The following ABCA5 variants were observed in gnomAD, a reference collection of about 807,000 sequenced individuals.
The protein encoded by ABCA5 is cholesterol transporter ABCA5.
ABCA5 carries 163 observed loss-of-function variants against 206.0 expected under a neutral mutation model. The ratio of observed to expected loss-of-function variants is 0.79; its 90% confidence interval spans 0.70 to 0.90. The LOEUF (loss-of-function observed/expected upper bound fraction) is 0.90. ABCA5 is among the 40% of genes least tolerant of loss of function. The pLI is 0.00. For missense variants in ABCA5, 1,859 were observed against 1,912.9 expected (o/e 0.97, Z 0.53); for synonymous variants, 609 against 613.8 (o/e 0.99, Z 0.11).
intron 28 of ABCA5, among the ~76,000 whole-genome samples, chr17:69,256,668 C>T (rs1018035014): frequency 6.6e-6 from 1 of 151,758 alleles, no homozygotes; most frequent in Admixed American, 6.6e-5. Context: ...GTTGCCCAGG[C>T]TGGTCTCAAA....
At chr17:69,292,370 T>G (rs970498919) in intron 11 of ABCA5, among the ~76,000 whole-genome samples, 5 of 152,232 alleles carry the variant, frequency 3.3e-5, no homozygotes, top group African/African-American at 7.2e-5. Context: ...TATTTTTTGA[T>G]GCTAAATGCT....
intron 3 of ABCA5, 130 bp from the exon 4 acceptor site, chr17:69,309,553 T>C: frequency 1.4e-6 from 1 of 715,196 alleles, no homozygotes. Context: ...TCTTAAAAAA[T>C]GAAAACAGTC....
Position 69,285,884 on chromosome 17 carries a change from AAAGT to A in ABCA5, c.2272+10_2272+13del. The A allele has an allele frequency of 1.9e-6, 3 of 1,606,296 alleles. No homozygotes were observed. Among genetic ancestry groups the A allele is most frequent in the East Asian group, 2.2e-5 (1 of 44,656 alleles). ...TCCCAGTTCAAACACCAAGAGACTT[AAAGT>A]AAGTAATACCTGAAAATTTGTCCAT... is the stretch of plus-strand genomic sequence containing the variant. On this transcript the variant is annotated intron_variant, in intron 17 of 38. Transcript: ENST00000392676.
Position 69,291,232 on chromosome 17 carries a change from G to A in ABCA5, c.1590C>T (p.Leu530=). 2 of 1,597,218 alleles carry A rather than the reference G, an allele frequency of 1.3e-6. No individual in the cohort carries two copies. The highest frequency in any genetic ancestry group is 1.7e-6 in the Non-Finnish European group (2 of 1,170,406). The change falls in exon 12 of 39, where the codon CTC becomes CTT. Residue 530 remains leucine (L), a synonymous_variant. Transcript: ENST00000392676. ...KSTLMNILCG[L]CPPSDGFASI... is the part of the protein sequence containing the mutation. ...AAAACTCACCATCAGAAGGTGGGCA[G>A]AGTCCACAAAGAATATTCATCAATG... is the stretch of plus-strand genomic sequence containing the variant.
chr17:69,263,386 A>G (rs964905795), intron 24 of ABCA5, among the ~76,000 whole-genome samples: 1 of 152,116 alleles, frequency 6.6e-6, no homozygotes, highest in Admixed American at 6.5e-5. Context: ...TCTTTAATCC[A>G]TCTTGAGTTA....
rs964458417 is a variant in ABCA5 at position 69,326,539 on chromosome 17, A to G, written c.-16+513T>C. Among the ~76,000 whole-genome samples the G allele has an allele frequency of 6.6e-6, 1 of 152,066 alleles. No homozygotes were observed. Among genetic ancestry groups the G allele is most frequent in the Non-Finnish European group, 1.5e-5 (1 of 68,018 alleles). The stretch of plus-strand genomic sequence containing the variant: ...CCAAACTGTGTCATGAGATCTGCGC[A>G]TTTTCTTCTCACTGAAACTCCTTTT... On this transcript the variant is annotated intron_variant, in intron 1 of 38. Coordinates refer to ENST00000392676, the MANE Select transcript of ABCA5 (RefSeq NM_172232.4). The surrounding 1 kb of genome is among the most constrained non-coding windows in gnomAD (Gnocchi z 4.8).
chr17:69,286,159 CAACATAAT>C, intron 16 of ABCA5, 54 bp downstream of exon 16: 1 of 1,551,026 alleles, frequency 6.4e-7, no homozygotes, highest in Non-Finnish European at 8.8e-7. Flanking sequence ...AGCAAGCCTC[CAACATAAT>C]AACAGTATAG....
chr17:69,253,653 T>C lies in ABCA5; in HGVS notation c.4335A>G (p.Leu1445=), dbSNP rs368600407. Residue 1445 remains leucine (L), a synonymous_variant, in exon 34 of 39, where the codon CTA becomes CTG. Coordinates refer to ENST00000392676, the MANE Select transcript of ABCA5 (RefSeq NM_172232.4). ...AGIKRKLCFA[L]SMLGNPQITL... is the part of the protein sequence containing the mutation. ...TAATCTGAGGATTCCCTAGCATACT[T>C]AGAGCAAAACACAACTACATGGAAA... is the stretch of plus-strand genomic sequence containing the variant. 2 of 1,613,634 alleles carry C rather than the reference T, an allele frequency of 1.2e-6. No homozygotes were observed. The highest frequency in any genetic ancestry group is 1.7e-6 in the Non-Finnish European group (2 of 1,179,690).
In ABCA5 at chr17:69,277,701, T is replaced by C. The variant is rs759382234; in HGVS notation, c.2534A>G (p.Tyr845Cys). ...AAAGAAATGAAACTTTGCTATTGTA[T>C]ACATCTGTTGTTTCCAAAGGCTCAT... ...STMSLWKQQM[Y>C]TIAKFHFFTL... is the part of the protein sequence containing the mutation. The change falls in exon 19 of 39, where the codon TAT becomes TGT. Residue 845 changes from tyrosine to cysteine, a missense_variant. Coordinates refer to ENST00000392676, the MANE Select transcript of ABCA5 (RefSeq NM_172232.4). The C allele has an allele frequency of 9.9e-6, 16 of 1,611,464 alleles. No homozygotes were observed. The Admixed American group carries it at 2.0e-4, about 20-fold the overall frequency.
Position 69,299,455 on chromosome 17 carries a change from T to TACACACACAC in ABCA5, c.1267+1674_1267+1683dup, listed in dbSNP as rs779059294. On this transcript the variant is annotated intron_variant, in intron 9 of 38. Transcript: ENST00000392676. ...CAACAACTGGATAAAGAAAATGTGA[T>TACACACACAC]ACACACACACACACATACACACACA... Among the ~76,000 whole-genome samples the TACACACACAC allele has an allele frequency of 5.8e-3, 361 of 62,592 alleles. 2 individuals are homozygous for TACACACACAC. Among genetic ancestry groups the TACACACACAC allele is most frequent in the Non-Finnish European group, 7.0e-3 (176 of 25,084 alleles). The allele number at this position is 62,592 out of a possible 152,430, so 41.1% of individuals were successfully genotyped here.
intron 32 of ABCA5, 146 bp from the exon 33 acceptor site, chr17:69,254,015 T>G (rs1435693223): frequency 1.9e-5 from 12 of 639,772 alleles, no homozygotes; most frequent in Non-Finnish European, 2.9e-5. Context: ...GTCTCCAATT[T>G]ACATCATTTT....
At chr17:69,286,615 C>T (rs2144973788) in intron 15 of ABCA5, among the ~76,000 whole-genome samples, 1 of 152,224 alleles carries the variant, frequency 6.6e-6, no homozygotes, top group East Asian at 1.9e-4. Flanking sequence ...ATATATTTTT[C>T]CTAAAAGGCT....
intron 9 of ABCA5, among the ~76,000 whole-genome samples, chr17:69,298,187 A>AGG (rs2075603221): frequency 1.3e-5 from 2 of 149,264 alleles, no homozygotes; most frequent in Non-Finnish European, 3.0e-5. Flanking sequence ...CCCTGTCTCA[A>AGG]AAAAGACACA....
intron 18 of ABCA5, among the ~76,000 whole-genome samples, chr17:69,283,350 C>T (rs2075417270): frequency 6.6e-6 from 1 of 152,114 alleles, no homozygotes; most frequent in Non-Finnish European, 1.5e-5. Context: ...ACTGGTCTTC[C>T]TACTTCCACA....
chr17:69,264,137 C>A (rs1031151225), intron 24 of ABCA5, among the ~76,000 whole-genome samples: 1 of 152,114 alleles, frequency 6.6e-6, no homozygotes, highest in African/African-American at 2.4e-5. Flanking sequence ...GGCAGTATGG[C>A]CACTTTAATA....
chr17:69,274,106 A>G lies in ABCA5; in HGVS notation c.2617T>C (p.Phe873Leu). Reference sequence around the variant, plus strand: ...AAAAACATAAAAATCTGAACTGTGAAAAAAATTAAAAGCAGAAGCAACCTG... The same window carrying G: ...AAAAACATAAAAATCTGAACTGTGAGAAAAATTAAAAGCAGAAGCAACCTG... ...RSVLLLLLIF[F>L]TVQIFMFLVH... is the part of the protein sequence containing the mutation. The change falls in exon 20 of 39, where the codon TTC becomes CTC. Residue 873 changes from phenylalanine to leucine, a missense_variant. Transcript: ENST00000392676. The G allele has an allele frequency of 6.3e-7, 1 of 1,578,190 alleles. No individual in the cohort carries two copies. The highest frequency in any genetic ancestry group is 1.2e-5 in the South Asian group (1 of 83,614).
chr17:69,271,898 T>A (rs533770422), intron 20 of ABCA5, among the ~76,000 whole-genome samples: 4 of 152,142 alleles, frequency 2.6e-5, no homozygotes, highest in African/African-American at 7.2e-5. Flanking sequence ...CATAATCACA[T>A]CTCTACATTC....
rs1408078309 is a variant in ABCA5, at chr17:69,289,938, T to A, written c.1706A>T (p.Asp569Val). The change falls in exon 13 of 39, where the codon GAT becomes GTT. Residue 569 changes from aspartate (D) to valine (V), a missense_variant. Physicochemically the swap from Asp to Val is radical, Grantham distance 152. Transcript: ENST00000392676. ...TAAATTTTCTTCTACTGTCAAAACA[T>A]CAAAGTGTATATCTAACTGTGGACA... ...GICPQLDIHF[D>V]VLTVEENLSI... The A allele has an allele frequency of 6.2e-7, 1 of 1,612,368 alleles. No homozygotes were observed.
chr17:69,285,797 G>T, intron 17 of ABCA5, 101 bp downstream of exon 17: 1 of 1,239,336 alleles, frequency 8.1e-7, no homozygotes. Flanking sequence ...CTGGGAGCAT[G>T]GCAATACTAC....
Sources: allele counts gnomAD v4.1 joint callset (sites outside exome capture counted in the v4.1 genomes callset), GRCh38; gene constraint gnomAD v4.1.1; non-coding constraint Gnocchi (gnomAD v3.1); transcripts MANE v1.5; gene names NCBI Gene and HGNC (gene_info 2026-07-23, HGNC 2026-07-21).